Variants in TMEM131L observed in about 807,000 individuals in gnomAD.
The protein encoded by TMEM131L is transmembrane protein 131-like.
A neutral mutation model predicts 192.2 loss-of-function variants in TMEM131L; 54 were observed. The ratio of observed to expected loss-of-function variants is 0.28; its 90% CI spans 0.23 to 0.35. TMEM131L has a LOEUF of 0.35. Ranked by LOEUF, TMEM131L falls within the 10% of genes least tolerant of loss-of-function variation. The pLI is 1.00. For missense variants in TMEM131L, 1,888 were observed against 1,972.9 expected (o/e 0.96, Z 0.82); for synonymous variants, 701 against 704.9 (o/e 0.99, Z 0.09).
chr4:153,533,989 G>A (rs1736118729), intron 3 of TMEM131L, among the ~76,000 whole-genome samples: 1 of 152,172 alleles, frequency 6.6e-6, no homozygotes, highest in Non-Finnish European at 1.5e-5. Context: ...ATTTGGTGAA[G>A]GTTTTGGTTG....
chr4:153,609,169 C>T (rs1732444038), intron 25 of TMEM131L, among the ~76,000 whole-genome samples: 1 of 152,162 alleles, frequency 6.6e-6, no homozygotes, highest in Non-Finnish European at 1.5e-5. Context: ...GTTTAATTGG[C>T]TCACAGTTCT....
intron 3 of TMEM131L, among the ~76,000 whole-genome samples, chr4:153,498,926 A>G (rs1733386055): frequency 6.6e-6 from 1 of 152,390 alleles, no homozygotes; most frequent in African/African-American, 2.4e-5. Context: ...GAAACTTCAC[A>G]ACACTGCACA....
rs114843706 is a variant in TMEM131L, at chr4:153,541,103, T to A, written c.240-8970T>A. ...CCTACCCTAGCGTCTAGGAAAGATG[T>A]CAAATCTTTAAACCACAGAGGAGAA... On this transcript the variant is annotated intron_variant, in intron 3 of 34. Coordinates refer to ENST00000409959, the MANE Select transcript of TMEM131L (RefSeq NM_001131007.2). 3.3e-3 allele frequency among the ~76,000 whole-genome samples: 507 copies of A among 152,302 alleles called. 3 individuals carry two copies. Among genetic ancestry groups the A allele is most frequent in the African/African-American group, 0.012 (480 of 41,560 alleles).
chr4:153,590,013 C>A (rs185732905), intron 16 of TMEM131L, among the ~76,000 whole-genome samples: 2 of 152,306 alleles, frequency 1.3e-5, no homozygotes, highest in East Asian at 3.9e-4. Flanking sequence ...GCATACCCAA[C>A]AAACTTGACA....
intron 3 of TMEM131L, among the ~76,000 whole-genome samples, chr4:153,537,270 T>C (rs775028457): frequency 6.6e-6 from 1 of 152,194 alleles, no homozygotes. Context: ...TTGTTCCTGA[T>C]TGGGACCCAG....
Position 153,531,943 on chromosome 4 carries a change from C to A in TMEM131L, c.240-18130C>A, listed in dbSNP as rs142895596. On this transcript the variant is annotated intron_variant, in intron 3 of 34. Coordinates refer to ENST00000409959, the MANE Select transcript of TMEM131L (RefSeq NM_001131007.2). ...CAGTCCTGATTTCTGCCCTTCTCTT[C>A]ATCTTCTGGCCCTTTTAAGGTGCAT... 3.3e-5 allele frequency among the ~76,000 whole-genome samples: 5 copies of A among 152,326 alleles called. No individual in the cohort carries two copies. The East Asian group carries it at 9.6e-4, about 29-fold the overall frequency.
intron 3 of TMEM131L, among the ~76,000 whole-genome samples, chr4:153,544,738 T>G (rs1392633266): frequency 1.3e-5 from 2 of 152,184 alleles, no homozygotes; most frequent in African/African-American, 4.8e-5. Flanking sequence ...GCTGAGTTTC[T>G]CCGGTGGGTT....
In TMEM131L at chr4:153,588,956, C is replaced by T. The variant is rs1037708408; in HGVS notation, c.1619C>T (p.Ala540Val). Residue 540 changes from alanine to valine, a missense_variant, in exon 16 of 35, where the codon GCA becomes GTA. By Grantham distance (64) the Ala-to-Val change is moderately conservative. Coordinates refer to ENST00000409959, the MANE Select transcript of TMEM131L (RefSeq NM_001131007.2). ...ACCTGGAATGTGGATTCTGAACTTG[C>T]AAATAAATTGTATGAAAGATGGAAG... ...QSTWNVDSEL[A>V]NKLYERWKKY... 1.4e-5 allele frequency: 22 copies of T among 1,606,838 alleles called. No homozygotes were observed. The highest frequency in any genetic ancestry group is 1.9e-5 in the Non-Finnish European group (22 of 1,173,626).
intron 3 of TMEM131L, among the ~76,000 whole-genome samples, chr4:153,527,288 G>T (rs1328852849): frequency 6.6e-6 from 1 of 151,806 alleles, no homozygotes; most frequent in Non-Finnish European, 1.5e-5. Flanking sequence ...TTGTGGGGGG[G>T]CGGTGATGAG....
At chr4:153,618,658 C>T (rs945260293) in intron 26 of TMEM131L, among the ~76,000 whole-genome samples, 14 of 152,088 alleles carry the variant, frequency 9.2e-5, no homozygotes, top group African/African-American at 3.1e-4. Flanking sequence ...GGTTACACAG[C>T]CAGTAATCAA....
In TMEM131L at chr4:153,556,860, A is replaced by G. The variant is rs550948652; in HGVS notation, c.433-106A>G. The G allele has an allele frequency of 2.0e-5, 13 of 649,246 alleles. No individual in the cohort carries two copies. In the African/African-American group the frequency reaches 2.4e-4, roughly 12 times the overall value. The allele number at this position is 649,246 out of a possible 1,614,324, so 40.2% of individuals were successfully genotyped here. On this transcript the variant is annotated intron_variant, in intron 5 of 34. Coordinates refer to ENST00000409959, the MANE Select transcript of TMEM131L (RefSeq NM_001131007.2). ...TTCATAATACTGATAAGGGTGCACA[A>G]TATACAAATGTCTGTTAACAGAAAT... is the stretch of plus-strand genomic sequence containing the variant.
intron 3 of TMEM131L, among the ~76,000 whole-genome samples, chr4:153,477,605 A>C (rs1334919739): frequency 6.6e-6 from 1 of 152,234 alleles, no homozygotes; most frequent in African/African-American, 2.4e-5. Flanking sequence ...TATATAAAAA[A>C]AAAATTTTAC....
intron 14 of TMEM131L, among the ~76,000 whole-genome samples, 161 bp from the exon 15 acceptor site, chr4:153,587,581 T>A (rs372057412): frequency 4.6e-5 from 7 of 152,274 alleles, no homozygotes; most frequent in Admixed American, 1.3e-4. Flanking sequence ...CAGTTCAGAT[T>A]TCTCTGAAAA....
At chr4:153,496,813 A>C (rs919300036) in intron 3 of TMEM131L, among the ~76,000 whole-genome samples, 2 of 151,128 alleles carry the variant, frequency 1.3e-5, no homozygotes, top group African/African-American at 4.9e-5. Context: ...TGGCCTCCCA[A>C]AGTGCTGGGA....
Position 153,602,650 on chromosome 4 carries a change from G to A in TMEM131L, c.2562G>A (p.Leu854=). 3 of 1,614,118 alleles carry A rather than the reference G, an allele frequency of 1.9e-6. No homozygotes were observed. The highest frequency in any genetic ancestry group is 2.5e-6 in the Non-Finnish European group (3 of 1,179,996). Residue 854 remains leucine (L), a synonymous_variant, in exon 23 of 35, where the codon CTG becomes CTA. Transcript: ENST00000409959. The part of the protein sequence containing the change: ...FTLNVTLPHH[L]LPLCADVVPG... ...TCAATGTGACTCTCCCTCATCACCT[G>A]TTGCCCTTGTGTGCAGACGTGGTTC... is the stretch of plus-strand genomic sequence containing the variant.
At chr4:153,578,711 G>T (rs936937288) in intron 7 of TMEM131L, among the ~76,000 whole-genome samples, 2 of 151,984 alleles carry the variant, frequency 1.3e-5, no homozygotes, top group Non-Finnish European at 2.9e-5. Flanking sequence ...TAGTAGAGAC[G>T]GGGTTTCACC....
At position 153,583,231 on chromosome 4, in the gene TMEM131L, A is replaced by T; in HGVS notation, c.934A>T (p.Ser312Cys). The stretch of plus-strand genomic sequence containing the variant: ...TATGTATATATTACATTCAGGAAAC[A>T]GCCTTATATGGATACAGGTAATTGT... ...VNMYILHSGN[S>C]LIWIQDIRHF... The change falls in exon 10 of 35, where the codon AGC (serine) becomes TGC (cysteine). Residue 312 changes from serine (S) to cysteine (C), a missense_variant. Coordinates refer to ENST00000409959, the MANE Select transcript of TMEM131L (RefSeq NM_001131007.2). 6.9e-7 allele frequency: 1 copy of T among 1,450,434 alleles called. No individual in the cohort carries two copies. The highest frequency in any genetic ancestry group is 9.7e-7 in the Non-Finnish European group (1 of 1,031,226). The allele number at this position is 1,450,434 out of a possible 1,614,324, so 89.8% of individuals were successfully genotyped here.
Position 153,539,705 on chromosome 4 carries a change from A to G in TMEM131L, c.240-10368A>G, listed in dbSNP as rs117416171. Among the ~76,000 whole-genome samples, 106 of 152,130 alleles carry G rather than the reference A, an allele frequency of 7.0e-4. 1 individual carries two copies. In the East Asian group the frequency reaches 0.016, roughly 22 times the overall value. ...CTTTACTCATGAGGCTGGTCCTTCAAAGAATAGTTAGAAATTTTTCATTAG... is the reference window on the plus strand; with the variant it reads ...CTTTACTCATGAGGCTGGTCCTTCAGAGAATAGTTAGAAATTTTTCATTAG... On this transcript the variant is annotated intron_variant, in intron 3 of 34. Coordinates refer to ENST00000409959, the MANE Select transcript of TMEM131L (RefSeq NM_001131007.2).
At chr4:153,576,361 C>G (rs1247662955) in intron 7 of TMEM131L, among the ~76,000 whole-genome samples, 1 of 152,124 alleles carries the variant, frequency 6.6e-6, no homozygotes, top group African/African-American at 2.4e-5. Flanking sequence ...AGAACTCCCC[C>G]TTGTGGGATT....
Sources: gnomAD v4.1 joint callset for allele counts (sites outside exome capture counted in the v4.1 genomes callset) on GRCh38, gnomAD v4.1.1 for gene constraint, MANE v1.5 for transcripts, NCBI Gene and HGNC (gene_info 2026-07-23, HGNC 2026-07-21) for gene names.